Variants in GALNTL6 observed in about 807,000 individuals in gnomAD.
GALNTL6 encodes the protein polypeptide N-acetylgalactosaminyltransferase-like 6.
Under a neutral mutation model 73.7 loss-of-function variants are expected in GALNTL6, and 46 were observed. The observed-to-expected ratio is 0.62, with a 90% CI of 0.49 to 0.80. The LOEUF (loss-of-function observed/expected upper bound fraction) is 0.80. Among genes scored for constraint, GALNTL6 ranks in the 30% least tolerant of loss-of-function variants. The pLI, the probability that GALNTL6 is intolerant of heterozygous loss-of-function variation, is 0.00. For missense variants in GALNTL6, 604 were observed against 755.0 expected (o/e 0.80, Z 2.34); for synonymous variants, 259 against 263.7 (o/e 0.98, Z 0.17).
chr4:172,154,177 T>C (rs1734184514), intron 2 of GALNTL6, among the ~76,000 whole-genome samples: 1 of 152,096 alleles, frequency 6.6e-6, no homozygotes, highest in East Asian at 1.9e-4. Context: ...TTTTTCGTTT[T>C]CCATAACTAA....
chr4:171,845,970 T>C (rs1018112737), intron 2 of GALNTL6, among the ~76,000 whole-genome samples: 3 of 152,166 alleles, frequency 2.0e-5, no homozygotes, highest in African/African-American at 7.2e-5. Flanking sequence ...GGAGTTTACA[T>C]GGTCATTCAC....
At chr4:171,857,130 T>C (rs1310964140) in intron 2 of GALNTL6, among the ~76,000 whole-genome samples, 1 of 152,142 alleles carries the variant, frequency 6.6e-6, no homozygotes, top group Non-Finnish European at 1.5e-5. Flanking sequence ...AATGTTAGTG[T>C]ATAGTAACAT....
chr4:172,663,481 A>G (rs1209548628), intron 5 of GALNTL6, among the ~76,000 whole-genome samples: 2 of 152,160 alleles, frequency 1.3e-5, no homozygotes, highest in East Asian at 3.8e-4. Context: ...CCCCTCCCTA[A>G]GCGGGACAAC....
At chr4:171,831,770 CAT>C (rs1734978304) in intron 2 of GALNTL6, among the ~76,000 whole-genome samples, 1 of 151,626 alleles carries the variant, frequency 6.6e-6, no homozygotes, top group South Asian at 2.1e-4. Flanking sequence ...AAAAATTATA[CAT>C]GTCATTGCAC....
At chr4:172,262,335 T>G (rs944968956) in intron 3 of GALNTL6, among the ~76,000 whole-genome samples, 2 of 151,500 alleles carry the variant, frequency 1.3e-5, no homozygotes, top group Admixed American at 6.6e-5. Flanking sequence ...TATTTAGGAT[T>G]GTGATATTTT....
intron 2 of GALNTL6, among the ~76,000 whole-genome samples, chr4:171,846,438 G>A (rs1302400092): frequency 6.6e-6 from 1 of 152,094 alleles, no homozygotes; most frequent in African/African-American, 2.4e-5. Flanking sequence ...TAGACAGTAG[G>A]GGGCAGTGCA....
At chr4:172,043,312 A>G (rs1033775524) in intron 2 of GALNTL6, among the ~76,000 whole-genome samples, 4 of 151,978 alleles carry the variant, frequency 2.6e-5, no homozygotes, top group African/African-American at 9.7e-5. Flanking sequence ...TGTTTTTATT[A>G]TTACCATTCG....
intron 5 of GALNTL6, among the ~76,000 whole-genome samples, chr4:172,601,796 G>T (rs769446074): frequency 3.3e-5 from 5 of 151,960 alleles, no homozygotes; most frequent in African/African-American, 7.3e-5. Flanking sequence ...AGGGGGTTAA[G>T]ATCTATAGGA....
Position 171,936,947 on chromosome 4 carries a change from A to G in GALNTL6, c.138+122229A>G, listed in dbSNP as rs540377520. ...GGCTAACAGCACATCTTTATGTCCA[A>G]TCTCTAGCAACACCAAATGAAACCT... On this transcript the variant is annotated intron_variant, in intron 2 of 12. Coordinates refer to ENST00000506823, the MANE Select transcript of GALNTL6 (RefSeq NM_001034845.3). Among the ~76,000 whole-genome samples the G allele has an allele frequency of 1.6e-4, 25 of 152,236 alleles. 1 individual carries two copies. In the South Asian group the frequency reaches 4.4e-3, roughly 27 times the overall value.
chr4:172,561,722 C>A (rs1736376372), intron 5 of GALNTL6, among the ~76,000 whole-genome samples: 1 of 152,116 alleles, frequency 6.6e-6, no homozygotes, highest in South Asian at 2.1e-4. Context: ...TGGGAAGCCT[C>A]TTAAAATCTC....
At position 172,405,220 on chromosome 4, in the gene GALNTL6, T is replaced by A. The variant is rs1034746645; in HGVS notation, c.553+56531T>A. On this transcript the variant is annotated intron_variant, in intron 5 of 12. Coordinates refer to ENST00000506823, the MANE Select transcript of GALNTL6 (RefSeq NM_001034845.3). Reference sequence around the variant, plus strand: ...GAGGCTCTTTTAGACACTAGGCCATTCTTGACAACTGAGTTCTCACATTTC... The same window carrying A: ...GAGGCTCTTTTAGACACTAGGCCATACTTGACAACTGAGTTCTCACATTTC... 2.6e-5 allele frequency among the ~76,000 whole-genome samples: 4 copies of A among 151,632 alleles called. No homozygotes were observed. The East Asian group carries it at 5.8e-4, about 22-fold the overall frequency.
intron 3 of GALNTL6, among the ~76,000 whole-genome samples, chr4:172,230,532 G>GATC (rs1737023422): frequency 6.7e-6 from 1 of 150,136 alleles, no homozygotes; most frequent in South Asian, 2.1e-4. Flanking sequence ...AGTGAGCCGA[G>GATC]ATCGCACCAC....
intron 10 of GALNTL6, among the ~76,000 whole-genome samples, chr4:172,997,220 G>A (rs1320249775): frequency 2.6e-5 from 4 of 152,012 alleles, no homozygotes; most frequent in African/African-American, 4.8e-5. Flanking sequence ...CAGATTTAAC[G>A]CCTAAAATGA....
intron 3 of GALNTL6, among the ~76,000 whole-genome samples, chr4:172,262,507 G>A (rs1034114582): frequency 6.6e-6 from 1 of 151,500 alleles, no homozygotes; most frequent in Admixed American, 6.6e-5. Flanking sequence ...TTAAATTTAT[G>A]TGAGTCCTGA....
intron 5 of GALNTL6, among the ~76,000 whole-genome samples, chr4:172,467,032 A>T (rs1254736051): frequency 6.6e-6 from 1 of 152,200 alleles, no homozygotes; most frequent in East Asian, 1.9e-4. Context: ...ATTTAACTGG[A>T]CTACTCTAAG....
At chr4:171,982,593 C>G (rs1289442265) in intron 2 of GALNTL6, among the ~76,000 whole-genome samples, 1 of 152,130 alleles carries the variant, frequency 6.6e-6, no homozygotes, top group Non-Finnish European at 1.5e-5. Flanking sequence ...CCACCGCGCC[C>G]GACCGAAAGT....
chr4:171,830,443 TAA>T (rs1049217945), intron 2 of GALNTL6, among the ~76,000 whole-genome samples: 1 of 152,032 alleles, frequency 6.6e-6, no homozygotes, highest in Admixed American at 6.6e-5. Flanking sequence ...TTGAAATAAT[TAA>T]GTGTCAAAAA....
chr4:172,730,851 C>T (rs13105405), intron 5 of GALNTL6, among the ~76,000 whole-genome samples: 1 of 151,780 alleles, frequency 6.6e-6, no homozygotes, highest in African/African-American at 2.4e-5. Flanking sequence ...GAGGCCGAGG[C>T]GGGCGGATCA....
chr4:172,916,503 G>T (rs1747519212), intron 8 of GALNTL6, among the ~76,000 whole-genome samples: 1 of 151,934 alleles, frequency 6.6e-6, no homozygotes, highest in African/African-American at 2.4e-5. Context: ...AAACCCCATT[G>T]TCTCAGCCCA....
Sources: allele counts gnomAD v4.1 joint callset (sites outside exome capture counted in the v4.1 genomes callset), GRCh38; gene constraint gnomAD v4.1.1; transcripts MANE v1.5; gene names NCBI Gene and HGNC (gene_info 2026-07-23, HGNC 2026-07-21).